MACROD1: variants seen among roughly 807,000 people sequenced by gnomAD.
MACROD1 encodes the protein ADP-ribose glycohydrolase MACROD1.
MACROD1 carries 31 observed loss-of-function variants against 41.4 expected under a neutral mutation model. That is an observed-to-expected ratio of 0.75 (90% CI 0.56 to 1.01). The LOEUF (loss-of-function observed/expected upper bound fraction) is 1.01. MACROD1 is among the 50% of genes least tolerant of loss of function. MACROD1 has a pLI of 0.00. For synonymous variants in MACROD1, 252 were observed against 203.4 expected (o/e 1.24, Z -2.03); for missense variants, 473 against 460.0 (o/e 1.03, Z -0.26).
rs1944790190 is a variant in MACROD1, at chr11:64,107,822, C to T, written c.517+43417G>A. Among the ~76,000 whole-genome samples the T allele has an allele frequency of 2.0e-5, 3 of 152,178 alleles. No individual in the cohort carries two copies. In the South Asian group the frequency reaches 6.2e-4, roughly 31 times the overall value. ...GATGCCTCTGGTGGGCCTGCAGTCCCTGGGGCATCTGCCTGAACTAGGGCT... is the reference window on the plus strand; with the variant it reads ...GATGCCTCTGGTGGGCCTGCAGTCCTTGGGGCATCTGCCTGAACTAGGGCT... On this transcript the variant is annotated intron_variant, in intron 3 of 10. Coordinates refer to ENST00000255681, the MANE Select transcript of MACROD1 (RefSeq NM_014067.4).
chr11:64,118,485 T>C (rs2134627141), intron 3 of MACROD1: 1 of 539,234 alleles, frequency 1.9e-6, no homozygotes, highest in South Asian at 6.3e-5. Context: ...TTTAAAAGAA[T>C]AGAAGGCAGG....
At chr11:64,039,114 G>A (rs1943436759) in intron 3 of MACROD1, among the ~76,000 whole-genome samples, 1 of 152,206 alleles carries the variant, frequency 6.6e-6, no homozygotes, top group Non-Finnish European at 1.5e-5. Flanking sequence ...ATCCACTCTG[G>A]TACCTGGCCC....
intron 3 of MACROD1, among the ~76,000 whole-genome samples, chr11:64,032,773 G>C (rs1943311192): frequency 6.6e-6 from 1 of 152,138 alleles, no homozygotes; most frequent in South Asian, 2.1e-4. Flanking sequence ...TTTGTTGACT[G>C]AACAGTGATC....
chr11:64,051,622 G>A (rs546395262), intron 3 of MACROD1, among the ~76,000 whole-genome samples: 41 of 152,308 alleles, frequency 2.7e-4, no homozygotes, highest in African/African-American at 9.9e-4. Context: ...CCTGCGTGGA[G>A]CGGGCAGTGG....
intron 3 of MACROD1, among the ~76,000 whole-genome samples, chr11:64,121,027 C>T (rs763477990): frequency 3.0e-4 from 45 of 152,270 alleles, no homozygotes; most frequent in Admixed American, 7.2e-4. Context: ...GCAGGTGGCC[C>T]GGACCGTGAG....
intron 3 of MACROD1, among the ~76,000 whole-genome samples, chr11:64,126,644 G>A (rs1945185999): frequency 6.6e-6 from 1 of 152,020 alleles, no homozygotes; most frequent in South Asian, 2.1e-4. Context: ...TGAAGAGGAG[G>A]AGGAGACCAG....
At chr11:64,005,022 C>CTTTCTTTATTTATTTATTTATTTA (rs1555005508) in intron 4 of MACROD1, among the ~76,000 whole-genome samples, 1 of 147,574 alleles carries the variant, frequency 6.8e-6, no homozygotes, top group Non-Finnish European at 1.5e-5. Flanking sequence ...CTAAGATCCA[C>CTTTCTTTATTTATTTATTTATTTA]TTTATTTATT....
intron 3 of MACROD1, among the ~76,000 whole-genome samples, chr11:64,112,427 T>C (rs1260383218): frequency 6.6e-6 from 1 of 152,056 alleles, no homozygotes; most frequent in Non-Finnish European, 1.5e-5. Context: ...AGCAGGAGGA[T>C]CTCTTGAACC....
chr11:64,065,704 G>A (rs1018201179), intron 3 of MACROD1, among the ~76,000 whole-genome samples: 3 of 151,096 alleles, frequency 2.0e-5, no homozygotes, highest in African/African-American at 4.9e-5. Context: ...GCAGGAGAAC[G>A]GTGTGAACCC....
intron 3 of MACROD1, among the ~76,000 whole-genome samples, chr11:64,112,530 A>G (rs1944881019): frequency 6.6e-6 from 1 of 152,212 alleles, no homozygotes; most frequent in Non-Finnish European, 1.5e-5. Flanking sequence ...AAAACAAGGC[A>G]AAACAAAACA....
intron 3 of MACROD1, chr11:64,117,104 C>T: frequency 6.2e-7 from 1 of 1,606,758 alleles, no homozygotes; most frequent in Non-Finnish European, 8.5e-7. Context: ...ACCTGCAGGA[C>T]AATGCCATCA....
chr11:64,158,066 G>A (rs1034453098), intron 1 of MACROD1, among the ~76,000 whole-genome samples: 1 of 152,194 alleles, frequency 6.6e-6, no homozygotes, highest in Non-Finnish European at 1.5e-5. Context: ...CCGACTCCCA[G>A]GGGTACCTGG....
chr11:64,148,992 C>G (rs996437073), intron 3 of MACROD1: 2 of 985,318 alleles, frequency 2.0e-6, no homozygotes, highest in Admixed American at 6.1e-5. Context: ...CCGTCATTCC[C>G]TGGGATTCCA....
At chr11:64,043,037 C>T (rs1275375408) in intron 3 of MACROD1, among the ~76,000 whole-genome samples, 1 of 152,220 alleles carries the variant, frequency 6.6e-6, no homozygotes, top group African/African-American at 2.4e-5. Context: ...AGTCGATGAA[C>T]TTGGGCTCGA....
intron 3 of MACROD1, among the ~76,000 whole-genome samples, chr11:64,061,568 C>G (rs1318743829): frequency 6.6e-6 from 1 of 152,244 alleles, no homozygotes; most frequent in East Asian, 1.9e-4. Context: ...GCACCACCCC[C>G]CATTTGCTGC....
intron 3 of MACROD1, among the ~76,000 whole-genome samples, chr11:64,115,087 G>A (rs1226756615): frequency 6.6e-6 from 1 of 152,150 alleles, no homozygotes; most frequent in Non-Finnish European, 1.5e-5. Flanking sequence ...GGGACTTCAG[G>A]TTCCGAGAGG....
chr11:64,033,003 G>A (rs969894727), intron 3 of MACROD1, among the ~76,000 whole-genome samples: 6 of 151,598 alleles, frequency 4.0e-5, no homozygotes, highest in African/African-American at 7.3e-5. Context: ...GCTGTTTCAC[G>A]TCACAGCAAC....
intron 3 of MACROD1, among the ~76,000 whole-genome samples, chr11:64,097,294 C>T (rs940801676): frequency 6.6e-6 from 1 of 152,256 alleles, no homozygotes; most frequent in Admixed American, 6.5e-5. Context: ...ATTTGGGCTT[C>T]TCTGCCAACT....
intron 3 of MACROD1, among the ~76,000 whole-genome samples, chr11:64,068,080 G>A (rs991596207): frequency 6.6e-6 from 1 of 152,206 alleles, no homozygotes; most frequent in African/African-American, 2.4e-5. Flanking sequence ...TTCTCAAACC[G>A]GAGCCGGGCG....
Sources: allele counts gnomAD v4.1 joint callset (sites outside exome capture counted in the v4.1 genomes callset), GRCh38; gene constraint gnomAD v4.1.1; transcripts MANE v1.5; gene names NCBI Gene and HGNC (gene_info 2026-07-23, HGNC 2026-07-21).